DEPDC5: variants seen among roughly 807,000 people sequenced by gnomAD.
The protein encoded by DEPDC5 is GATOR1 complex protein DEPDC5.
A neutral mutation model predicts 217.3 loss-of-function variants in DEPDC5; 73 were observed. That is an observed-to-expected ratio of 0.34 (90% CI 0.28 to 0.41). The LOEUF is 0.41. DEPDC5 is among the 10% of genes least tolerant of loss of function. The pLI, the probability that DEPDC5 is intolerant of heterozygous loss-of-function variation, is 1.00. For missense variants in DEPDC5, 1,675 were observed against 2,070.1 expected, an observed-to-expected ratio of 0.81 and a Z score of 3.70; for synonymous variants, 733 against 756.7, an observed-to-expected ratio of 0.97 and a Z score of 0.51.
At chr22:31,758,282 G>A (rs540897960) in intron 2 of DEPDC5, among the ~76,000 whole-genome samples, 4 of 152,302 alleles carry the variant, frequency 2.6e-5, no homozygotes, top group South Asian at 2.1e-4. Context: ...ACTAAGGGCT[G>A]CTCTGCCCCT....
Position 31,901,762 on chromosome 22 carries a change from T to G in DEPDC5, c.4396T>G (p.Trp1466Gly). The change falls in exon 41 of 43, where the codon TGG (tryptophan) becomes GGG (glycine). Residue 1466 changes from tryptophan to glycine, a missense_variant. By Grantham distance (184) the Trp-to-Gly change is radical. Around this residue, in one of 11 missense-constraint regions of DEPDC5, gnomAD observed 182 missense variants for 290.1 expected, o/e 0.63. Coordinates refer to ENST00000651528, the MANE Select transcript of DEPDC5 (RefSeq NM_001242896.3). ...LFDSFEPETY[W>G]DRMHLFQEAI... ...TTCAGGCTTTGAACCCGAAACGTAC[T>G]GGGATCGAATGCACCTCTTCCAGGA... is the stretch of plus-strand genomic sequence containing the variant. The G allele has an allele frequency of 6.2e-7, 1 of 1,613,558 alleles. No homozygotes were observed. Among genetic ancestry groups the G allele is most frequent in the Non-Finnish European group, 8.5e-7 (1 of 1,179,728 alleles).
intron 10 of DEPDC5, 108 bp downstream of exon 10, chr22:31,784,983 A>T: frequency 1.1e-6 from 1 of 912,858 alleles, no homozygotes; most frequent in Non-Finnish European, 1.6e-6. Flanking sequence ...ATTTTAGGTA[A>T]AACCCGGACT....
At chr22:31,814,864 T>G in intron 20 of DEPDC5, 128 bp from the exon 21 acceptor site, 1 of 931,988 alleles carries the variant, frequency 1.1e-6, no homozygotes, top group Non-Finnish European at 1.7e-6. Context: ...GTTTCCCACT[T>G]GTAGATCACA....
At chr22:31,810,986 GC>G (rs2088238949) in intron 20 of DEPDC5, among the ~76,000 whole-genome samples, 1 of 152,002 alleles carries the variant, frequency 6.6e-6, no homozygotes, top group African/African-American at 2.4e-5. Context: ...TGTTGGTCAG[GC>G]TGGTCTCGAA....
Position 31,754,933 on chromosome 22 carries a change from A to G in DEPDC5, c.12A>G (p.Thr4=), listed in dbSNP as rs2075190658. 2 of 1,614,212 alleles carry G rather than the reference A, an allele frequency of 1.2e-6. No homozygotes were observed. The highest frequency in any genetic ancestry group is 1.1e-5 in the South Asian group (1 of 91,088). Residue 4 remains threonine (T), a synonymous_variant, in exon 2 of 43, where the codon ACA becomes ACG. Coordinates refer to ENST00000651528, the MANE Select transcript of DEPDC5 (RefSeq NM_001242896.3). The part of the protein sequence containing the change: MRT[T]KVYKLVIHKK... ...AAAAACAGTGCAAGATGAGAACAAC[A>G]AAGGTCTACAAACTCGTCATCCACA...
At chr22:31,889,991 A>G (rs1263072071) in intron 38 of DEPDC5, among the ~76,000 whole-genome samples, 1 of 152,202 alleles carries the variant, frequency 6.6e-6, no homozygotes, top group Non-Finnish European at 1.5e-5. Flanking sequence ...GGCGGCACAG[A>G]CAGGCCTCAG....
At chr22:31,821,113 A>G (rs2089653914) in intron 22 of DEPDC5, among the ~76,000 whole-genome samples, 1 of 152,124 alleles carries the variant, frequency 6.6e-6, no homozygotes, top group Non-Finnish European at 1.5e-5. Context: ...TCTTAGAGTC[A>G]CAGTTGTTAC....
In DEPDC5 at chr22:31,836,974, C is replaced by T; in HGVS notation, c.2173C>T (p.Leu725=). 6.3e-7 allele frequency: 1 copy of T among 1,580,006 alleles called. No homozygotes were observed. The highest frequency in any genetic ancestry group is 8.6e-7 in the Non-Finnish European group (1 of 1,159,994). The change falls in exon 26 of 43, where the codon CTG becomes TTG. Residue 725 remains leucine (L), a splice_region_variant and synonymous_variant. Transcript: ENST00000651528. ...DSVSTSPDPI[L]TLSAPPVVPG... is the part of the protein sequence containing the mutation. ...TTTCCCCCTGTTACGTGAGGCAGTT[C>T]TGACACTGTCTGCTCCCCCTGTAGT... is the stretch of plus-strand genomic sequence containing the variant.
intron 31 of DEPDC5, among the ~76,000 whole-genome samples, chr22:31,856,987 T>C (rs1391877572): frequency 6.6e-6 from 1 of 152,118 alleles, no homozygotes; most frequent in Non-Finnish European, 1.5e-5. Context: ...ACCAGGCTGG[T>C]CTCAAACCCC....
intron 38 of DEPDC5, among the ~76,000 whole-genome samples, 189 bp from the exon 39 acceptor site, chr22:31,893,393 A>T (rs560039178): frequency 6.6e-6 from 1 of 152,300 alleles, no homozygotes; most frequent in South Asian, 2.1e-4. Flanking sequence ...ACAAAATGTA[A>T]AATATTTATA....
intron 7 of DEPDC5, 173 bp downstream of exon 7, chr22:31,769,036 G>A (rs536352188): frequency 1.2e-4 from 79 of 666,984 alleles, no homozygotes; most frequent in African/African-American, 7.8e-4. Context: ...CAAGGTGGGC[G>A]GATCACGAGG....
intron 32 of DEPDC5, among the ~76,000 whole-genome samples, chr22:31,860,811 G>T (rs2092480466): frequency 6.6e-6 from 1 of 151,792 alleles, no homozygotes; most frequent in Non-Finnish European, 1.5e-5. Flanking sequence ...CCATCTGGCT[G>T]CCCATGTTTA....
At chr22:31,798,503 G>A (rs2086507206) in intron 13 of DEPDC5, 79 bp from the exon 14 acceptor site, 4 of 1,290,928 alleles carry the variant, frequency 3.1e-6, no homozygotes, top group African/African-American at 1.5e-5. Context: ...GGGTGACACA[G>A]CAAGGCTTCG....
intron 36 of DEPDC5, among the ~76,000 whole-genome samples, chr22:31,874,874 TC>T (rs952001292): frequency 1.3e-5 from 2 of 152,178 alleles, no homozygotes; most frequent in African/African-American, 2.4e-5. Flanking sequence ...CTCAACCAGC[TC>T]CTTGAGAGCA....
chr22:31,856,153 G>GCACACA (rs771652884), intron 31 of DEPDC5, among the ~76,000 whole-genome samples: 5,712 of 108,200 alleles, frequency 0.053, 246 homozygotes, highest in African/African-American at 0.1. Flanking sequence ...TTGGGCCAAC[G>GCACACA]CGCACACACA....
intron 10 of DEPDC5, among the ~76,000 whole-genome samples, chr22:31,788,002 A>T (rs184719697): frequency 2.0e-4 from 31 of 152,198 alleles, no homozygotes; most frequent in Admixed American, 1.8e-3. Flanking sequence ...CCATGATGTG[A>T]TTATTTCACA....
chr22:31,852,689 A>C (rs1363033976), intron 31 of DEPDC5, among the ~76,000 whole-genome samples: 1 of 152,266 alleles, frequency 6.6e-6, no homozygotes, highest in East Asian at 1.9e-4. Context: ...TTCATCTGTA[A>C]TATTTCAGAA....
intron 38 of DEPDC5, chr22:31,879,998 G>A (rs2093131503): frequency 4.0e-6 from 2 of 499,852 alleles, no homozygotes; most frequent in Admixed American, 3.3e-5. Flanking sequence ...TGCCAGACCT[G>A]TTCGGATAGG....
chr22:31,866,200 A>G (rs929561721), intron 33 of DEPDC5, among the ~76,000 whole-genome samples: 4 of 151,964 alleles, frequency 2.6e-5, no homozygotes, highest in African/African-American at 9.7e-5. Flanking sequence ...AGTGCCAGAA[A>G]GTGGGGGGAA....
Sources: gnomAD v4.1 joint callset for allele counts (sites outside exome capture counted in the v4.1 genomes callset) on GRCh38, gnomAD v4.1.1 for gene constraint, gnomAD v4.1.1 regional missense constraint, MANE v1.5 for transcripts, NCBI Gene and HGNC (gene_info 2026-07-23, HGNC 2026-07-21) for gene names.